Variants in TMPRSS13 observed in about 807,000 individuals in gnomAD.
TMPRSS13 encodes the protein transmembrane protease serine 13.
In TMPRSS13, 50 loss-of-function variants were observed where a neutral mutation model predicts 68.4. The observed-to-expected ratio is 0.73, with a 90% CI of 0.58 to 0.93. The LOEUF is 0.93. TMPRSS13 is among the 40% of genes least tolerant of loss of function. TMPRSS13 has a pLI of 0.00. For synonymous variants in TMPRSS13, 267 were observed against 285.8 expected, an observed-to-expected ratio of 0.93 and a Z score of 0.66; for missense variants, 615 against 729.2, an observed-to-expected ratio of 0.84 and a Z score of 1.80.
Position 117,903,976 on chromosome 11 carries a change from C to T in TMPRSS13, c.1507G>A (p.Gly503Ser). 1.2e-6 allele frequency: 2 copies of T among 1,612,416 alleles called. No individual in the cohort carries two copies. Among genetic ancestry groups the T allele is most frequent in the Non-Finnish European group, 1.7e-6 (2 of 1,179,306 alleles). ...ACCCTCACCTGGCAGGAGTCTCTGC[C>T]CCCACGAAGGTCCCCAGCACACATC... is the stretch of plus-strand genomic sequence containing the variant. ...RMMCAGDLRGGRDSCQGDSGG... is the reference protein window; with the variant it reads ...RMMCAGDLRGSRDSCQGDSGG... The change falls in exon 11 of 13, where the codon GGC (glycine) becomes AGC (serine). Residue 503 changes from glycine to serine, a missense_variant. By Grantham distance (56) the Gly-to-Ser change is moderately conservative. Transcript: ENST00000524993.
In TMPRSS13 at chr11:117,913,794, C is replaced by T; in HGVS notation, c.792G>A (p.Gln264=). Residue 264 remains glutamine, a synonymous_variant, in exon 5 of 13, where the codon CAG becomes CAA. Transcript: ENST00000524993. ...GGGGTTACCTCTCGAAACCCAGCTG[C>T]TGGCAGGTCTTCTCTGAGTAGGAGT... ...WNDSYSEKTC[Q]QLGFESAHRT... The T allele has an allele frequency of 1.2e-6, 2 of 1,614,066 alleles. No individual in the cohort carries two copies. Among genetic ancestry groups the T allele is most frequent in the South Asian group, 1.1e-5 (1 of 91,068 alleles).
chr11:117,923,907 AT>A (rs2057672069), intron 1 of TMPRSS13, among the ~76,000 whole-genome samples: 1 of 149,292 alleles, frequency 6.7e-6, no homozygotes, highest in Non-Finnish European at 1.5e-5. Flanking sequence ...TAGCTGCTTC[AT>A]GGCCTGAGGG....
intron 10 of TMPRSS13, 37 bp from the exon 11 acceptor site, chr11:117,904,138 A>G: frequency 6.2e-7 from 1 of 1,605,656 alleles, no homozygotes; most frequent in Non-Finnish European, 8.5e-7. Flanking sequence ...AGAGGATGGG[A>G]AGCCAGTGAG....
chr11:117,925,492 C>T (rs984224001), intron 1 of TMPRSS13, among the ~76,000 whole-genome samples: 14 of 152,236 alleles, frequency 9.2e-5, no homozygotes, highest in Non-Finnish European at 1.6e-4. Context: ...TGCCCAGGAA[C>T]TTGCTGCCTC....
chr11:117,914,570 C>T lies in TMPRSS13; in HGVS notation c.557-56G>A. 1 of 1,606,658 alleles carries T rather than the reference C, an allele frequency of 6.2e-7. No individual in the cohort carries two copies. Among genetic ancestry groups the T allele is most frequent in the Non-Finnish European group, 8.5e-7 (1 of 1,178,414 alleles). On this transcript the variant is annotated intron_variant, in intron 3 of 12. Transcript: ENST00000524993. The surrounding 1 kb of genome is among the most constrained non-coding windows in gnomAD (Gnocchi z 4.2). Reference sequence around the variant, plus strand: ...TGGCCAGCCCCACTGAGATGAGACACTGAGCAGCCCAAGGACCTGGGGGTT... The same window carrying T: ...TGGCCAGCCCCACTGAGATGAGACATTGAGCAGCCCAAGGACCTGGGGGTT...
At chr11:117,928,959 G>A (rs17121415) in intron 1 of TMPRSS13, among the ~76,000 whole-genome samples, 3,483 of 152,192 alleles carry the variant, frequency 0.023, 123 homozygotes, top group African/African-American at 0.077. Flanking sequence ...ATTCCCAATC[G>A]GCAAAGTTGG....
At chr11:117,908,839 C>T (rs759878536) in intron 8 of TMPRSS13, 55 bp from the exon 9 acceptor site, 3 of 1,499,840 alleles carry the variant, frequency 2.0e-6, no homozygotes, top group Non-Finnish European at 2.7e-6. Context: ...CGTTCACTGG[C>T]AGCCCCTGCT....
chr11:117,922,127 G>A lies in TMPRSS13; in HGVS notation c.22-3289C>T, dbSNP rs538640427. ...AACTCATTTCTTTTCCCCAATTCTTGGAGAACAACTGCTGAGACTCTAGCC... is the reference window on the plus strand; with the variant it reads ...AACTCATTTCTTTTCCCCAATTCTTAGAGAACAACTGCTGAGACTCTAGCC... On this transcript the variant is annotated intron_variant, in intron 1 of 12. Coordinates refer to ENST00000524993, the MANE Select transcript of TMPRSS13 (RefSeq NM_001077263.3). The surrounding 1 kb of genome is among the most constrained non-coding windows in gnomAD (Gnocchi z 4.2). 4.6e-5 allele frequency among the ~76,000 whole-genome samples: 7 copies of A among 152,262 alleles called. No homozygotes were observed. The highest frequency in any genetic ancestry group is 1.7e-4 in the African/African-American group (7 of 41,564).
chr11:117,918,480 A>G lies in TMPRSS13; in HGVS notation c.380T>C (p.Val127Ala), dbSNP rs755531602. Residue 127 changes from valine (V) to alanine (A), a missense_variant, in exon 2 of 13, where the codon GTG (valine) becomes GCG (alanine). Val to Ala is a moderately conservative substitution (Grantham distance 64). Coordinates refer to ENST00000524993, the MANE Select transcript of TMPRSS13 (RefSeq NM_001077263.3). ...AGATGATCGGATGGGTACAGCCCCCACTGGTGTTGCTCTAACAAGGTACAC... is the reference window on the plus strand; with the variant it reads ...AGATGATCGGATGGGTACAGCCCCCGCTGGTGTTGCTCTAACAAGGTACAC... ...TRVYLVRATP[V>A]GAVPIRSSPA... 2 of 1,614,102 alleles carry G rather than the reference A, an allele frequency of 1.2e-6. No individual in the cohort carries two copies. The highest frequency in any genetic ancestry group is 3.3e-5 in the Admixed American group (2 of 60,022).
chr11:117,923,623 G>GC (rs1243588151), intron 1 of TMPRSS13, among the ~76,000 whole-genome samples: 5 of 152,010 alleles, frequency 3.3e-5, no homozygotes, highest in Non-Finnish European at 7.4e-5. Flanking sequence ...AAGCTCTCCC[G>GC]CAATTGAACA....
rs185064313 is a variant in TMPRSS13 at position 117,909,879 on chromosome 11, C to T, written c.1036G>A (p.Gly346Ser). 105 of 1,614,104 alleles carry T rather than the reference C, an allele frequency of 6.5e-5. 1 individual carries two copies. In the East Asian group the frequency reaches 1.4e-3, roughly 22 times the overall value. Residue 346 changes from glycine to serine, a missense_variant, in exon 8 of 13, where the codon GGC becomes AGC. By Grantham distance (56) the Gly-to-Ser change is moderately conservative (BLOSUM62 0). Coordinates refer to ENST00000524993, the MANE Select transcript of TMPRSS13 (RefSeq NM_001077263.3). ...GTGCCTCCACAGATGTGGGTGGTGC[C>T]GAAGTGCAGACTCACTTGCCAAGGC... ...KWPWQVSLHF[G>S]TTHICGGTLI...
chr11:117,921,396 C>T (rs1454990677), intron 1 of TMPRSS13, among the ~76,000 whole-genome samples: 1 of 152,212 alleles, frequency 6.6e-6, no homozygotes, highest in Non-Finnish European at 1.5e-5. Context: ...GCCCACCTCA[C>T]CCCCTGAATG....
chr11:117,924,594 A>G (rs1305984243), intron 1 of TMPRSS13, among the ~76,000 whole-genome samples: 1 of 152,134 alleles, frequency 6.6e-6, no homozygotes, highest in Non-Finnish European at 1.5e-5. Context: ...TCCCTTTGAC[A>G]GAGCCTAAAA....
At chr11:117,927,221 A>G (rs1426078799) in intron 1 of TMPRSS13, among the ~76,000 whole-genome samples, 1 of 152,200 alleles carries the variant, frequency 6.6e-6, no homozygotes, top group African/African-American at 2.4e-5. Flanking sequence ...CTCTCCGACC[A>G]CGCAGCTGTG....
intron 1 of TMPRSS13, among the ~76,000 whole-genome samples, chr11:117,919,720 C>A (rs1462813147): frequency 6.6e-6 from 1 of 152,278 alleles, no homozygotes; most frequent in Non-Finnish European, 1.5e-5. Flanking sequence ...GGCCTCACCA[C>A]ACCCCTGGGA....
At chr11:117,920,869 T>C (rs972779361) in intron 1 of TMPRSS13, among the ~76,000 whole-genome samples, 19 of 152,216 alleles carry the variant, frequency 1.2e-4, no homozygotes, top group African/African-American at 4.3e-4. Flanking sequence ...ATTGCCTCCA[T>C]TCCCAACTGC....
At chr11:117,908,006 A>G (rs1341583136) in intron 9 of TMPRSS13, 1 of 991,238 alleles carries the variant, frequency 1.0e-6, no homozygotes, top group Non-Finnish European at 1.2e-6. Flanking sequence ...GGTCCTTAGC[A>G]ACAACGTTGT....
chr11:117,904,240 TC>T, intron 10 of TMPRSS13, 139 bp from the exon 11 acceptor site: 1 of 1,217,136 alleles, frequency 8.2e-7, no homozygotes, highest in Non-Finnish European at 1.1e-6. Flanking sequence ...CGTGCCTGGC[TC>T]CCACCCAAGG....
rs1397221748 is a variant in TMPRSS13 at position 117,900,922 on chromosome 11, C to T, written c.*1317G>A. On this transcript the variant is annotated 3_prime_UTR_variant, in exon 13 of 13. Transcript: ENST00000524993. ...CCCAAGGAAGGTGAGGGGAGCAGGA[C>T]TGGCAGAGGAATAGGTGCCCCAGAA... The T allele has an allele frequency of 6.6e-6, 1 of 152,360 alleles. No individual in the cohort carries two copies. Among genetic ancestry groups the T allele is most frequent in the African/African-American group, 2.4e-5 (1 of 41,440 alleles). The allele number at this position is 152,360 out of a possible 1,614,324, so 9.4% of individuals were successfully genotyped here.
Sources: allele counts gnomAD v4.1 joint callset (sites outside exome capture counted in the v4.1 genomes callset), GRCh38; gene constraint gnomAD v4.1.1; non-coding constraint Gnocchi (gnomAD v3.1); transcripts MANE v1.5; gene names NCBI Gene and HGNC (gene_info 2026-07-23, HGNC 2026-07-21).